CHN1: variants seen among roughly 807,000 people sequenced by gnomAD.
CHN1 encodes N-chimaerin.
Under a neutral mutation model 59.5 loss-of-function variants are expected in CHN1, and 37 were observed. That is an observed-to-expected ratio of 0.62 (90% CI 0.48 to 0.82). The LOEUF is 0.82. Ranked by LOEUF, CHN1 falls within the 40% of genes least tolerant of loss-of-function variation. The pLI, the probability that CHN1 is intolerant of heterozygous loss-of-function variation, is 0.00. For synonymous variants in CHN1, 206 were observed against 200.4 expected (o/e 1.03, Z -0.24); for missense variants, 469 against 571.0 (o/e 0.82, Z 1.82).
At chr2:174,822,158 T>A (rs1685519722) in intron 8 of CHN1, among the ~76,000 whole-genome samples, 2 of 152,338 alleles carry the variant, frequency 1.3e-5, no homozygotes, top group Middle Eastern at 3.4e-3. Context: ...CAAAATGAGT[T>A]GACTTGTGCT....
intron 8 of CHN1, among the ~76,000 whole-genome samples, chr2:174,818,010 T>A (rs963550545): frequency 1.3e-5 from 2 of 152,206 alleles, no homozygotes; most frequent in Non-Finnish European, 2.9e-5. Flanking sequence ...TGACCTCAGA[T>A]GGTCCACCTG....
intron 5 of CHN1, among the ~76,000 whole-genome samples, chr2:174,889,697 A>G (rs1687992301): frequency 6.6e-6 from 1 of 152,118 alleles, no homozygotes; most frequent in Non-Finnish European, 1.5e-5. Flanking sequence ...AAATGAACCA[A>G]AAAAAGTGAA....
chr2:174,976,126 C>CAAAAA lies in CHN1; in HGVS notation c.20-23929_20-23925dup, dbSNP rs71031078. Among the ~76,000 whole-genome samples the CAAAAA allele has an allele frequency of 7.0e-4, 35 of 50,188 alleles. 2 individuals are homozygous for CAAAAA. The highest frequency in any genetic ancestry group is 2.9e-3 in the African/African-American group (33 of 11,236). The allele number at this position is 50,188 out of a possible 152,430, so 32.9% of individuals were successfully genotyped here. A position where few individuals can be genotyped will look rare whatever the true frequency, so the allele number is the denominator to read the frequency against. ...GGGCCAACAGGGCAAGACTCCGTCT[C>CAAAAA]AAAAAAAAAAAAAAAAAAAAAAAAA... On this transcript the variant is annotated intron_variant, in intron 1 of 12. Transcript: ENST00000409900.
intron 5 of CHN1, among the ~76,000 whole-genome samples, chr2:174,911,787 C>A (rs1688709319): frequency 6.6e-6 from 1 of 152,158 alleles, no homozygotes; most frequent in African/African-American, 2.4e-5. Context: ...AGGAGAGATG[C>A]CAATGCATGA....
chr2:175,005,127 C>T lies in CHN1; in HGVS notation c.-215G>A. The T allele has an allele frequency of 7.6e-7, 1 of 1,310,018 alleles. No individual in the cohort carries two copies. The highest frequency in any genetic ancestry group is 9.7e-7 in the Non-Finnish European group (1 of 1,027,610). 81.1% of individuals were successfully genotyped at this position (1,310,018 alleles called of 1,614,324 possible). On this transcript the variant is annotated 5_prime_UTR_variant, in exon 1 of 13. The change creates a premature stop within an existing upstream ORF in the 5' untranslated region. Coordinates refer to ENST00000409900, the MANE Select transcript of CHN1 (RefSeq NM_001822.7). ...GCGTTATTGTCGGGCGCACCGGGCC[C>T]AGGGAGCCCCGCTAGCTCTCCGCGA...
intron 12 of CHN1, among the ~76,000 whole-genome samples, chr2:174,800,628 T>C (rs1376824645): frequency 6.6e-6 from 1 of 152,208 alleles, no homozygotes; most frequent in Non-Finnish European, 1.5e-5. Context: ...TGGGTCACCT[T>C]GATTTAATCC....
rs189505067 is a variant in CHN1 at position 174,986,260 on chromosome 2, C to T, written c.19+18634G>A. Among the ~76,000 whole-genome samples the T allele has an allele frequency of 2.6e-5, 4 of 152,154 alleles. No homozygotes were observed. The East Asian group carries it at 5.8e-4, about 22-fold the overall frequency. On this transcript the variant is annotated intron_variant, in intron 1 of 12. Coordinates refer to ENST00000409900, the MANE Select transcript of CHN1 (RefSeq NM_001822.7). ...TTACTCTCCTAATTTTATAATATAG[C>T]GAACACAGCTATAGAATACACCTTG...
chr2:174,946,610 G>A (rs1689844577), intron 2 of CHN1, among the ~76,000 whole-genome samples: 1 of 151,948 alleles, frequency 6.6e-6, no homozygotes, highest in Non-Finnish European at 1.5e-5. Context: ...TTACAGAGAT[G>A]ACAAAAAGGG....
At chr2:174,819,815 TCCCCCCA>T (rs1685419191) in intron 8 of CHN1, among the ~76,000 whole-genome samples, 1 of 68,072 alleles carries the variant, frequency 1.5e-5, no homozygotes. Context: ...CCCTCCCCCC[TCCCCCCA>T]CCCCACAACA....
chr2:174,867,800 T>C (rs191127243), intron 6 of CHN1, among the ~76,000 whole-genome samples: 1 of 152,308 alleles, frequency 6.6e-6, no homozygotes, highest in East Asian at 1.9e-4. Context: ...GTAGTTTATA[T>C]AGAAGAAACA....
chr2:174,983,209 C>T (rs545905436), intron 1 of CHN1, among the ~76,000 whole-genome samples: 1 of 152,202 alleles, frequency 6.6e-6, no homozygotes, highest in Admixed American at 6.5e-5. Flanking sequence ...CTGTATTTTA[C>T]TTTTTTAGTT....
intron 1 of CHN1, among the ~76,000 whole-genome samples, chr2:175,002,199 C>T (rs1004188362): frequency 6.6e-5 from 10 of 152,096 alleles, no homozygotes; most frequent in African/African-American, 2.2e-4. Context: ...TATATCGAAG[C>T]TGATAATGAG....
chr2:174,828,076 G>A (rs1466313637), intron 7 of CHN1, among the ~76,000 whole-genome samples: 1 of 152,188 alleles, frequency 6.6e-6, no homozygotes. Flanking sequence ...GAGGGTAAGA[G>A]GAGAGAGGCT....
chr2:174,918,478 C>T, intron 4 of CHN1, 56 bp downstream of exon 4: 1 of 1,314,536 alleles, frequency 7.6e-7, no homozygotes, highest in Non-Finnish European at 1.0e-6. Context: ...ATCCATTTAC[C>T]CTGTCTGTCT....
At chr2:174,969,215 C>T (rs753543822) in intron 1 of CHN1, among the ~76,000 whole-genome samples, 10 of 152,180 alleles carry the variant, frequency 6.6e-5, no homozygotes, top group African/African-American at 1.7e-4. Context: ...TCTTCTGCTG[C>T]GTTCTCTCCA....
chr2:175,004,811 G>A, intron 1 of CHN1, 83 bp downstream of exon 1: 1 of 876,374 alleles, frequency 1.1e-6, no homozygotes, highest in South Asian at 5.2e-5. Context: ...CCCCTCCCCG[G>A]GCGCCCAGGC....
intron 7 of CHN1, among the ~76,000 whole-genome samples, chr2:174,839,567 T>C (rs1035057255): frequency 9.9e-5 from 15 of 152,222 alleles, no homozygotes; most frequent in Admixed American, 5.9e-4. Flanking sequence ...AGCAACACGA[T>C]GCCTTTACTT....
At chr2:174,847,754 G>C (rs1305925308) in intron 6 of CHN1, 1 of 395,042 alleles carries the variant, frequency 2.5e-6, no homozygotes, top group East Asian at 8.7e-5. Context: ...ATGTAAGTAA[G>C]TTTCTTGCTG....
At chr2:174,949,483 A>G (rs190412663) in intron 2 of CHN1, among the ~76,000 whole-genome samples, 45 of 152,034 alleles carry the variant, frequency 3.0e-4, no homozygotes, top group South Asian at 2.1e-3. Flanking sequence ...CCACCTCCCA[A>G]GTAGCTGGGA....
Sources: gnomAD v4.1 joint callset for allele counts (sites outside exome capture counted in the v4.1 genomes callset) on GRCh38, gnomAD v4.1.1 for gene constraint, MANE v1.5 for transcripts, NCBI Gene and HGNC (gene_info 2026-07-23, HGNC 2026-07-21) for gene names.